Variants in STRIP2 observed in about 807,000 individuals in gnomAD.
The protein encoded by STRIP2 is striatin interacting protein 2.
Under a neutral mutation model 107.1 loss-of-function variants are expected in STRIP2, and 84 were observed. That is an observed-to-expected ratio of 0.78 (90% CI 0.66 to 0.94). STRIP2 has a LOEUF of 0.94. Among genes scored for constraint, STRIP2 ranks in the 40% least tolerant of loss-of-function variants. The probability of loss-of-function intolerance (pLI) is 0.00; values close to 1 mark genes in which losing one functional copy is unlikely to be tolerated. For missense variants in STRIP2, 888 were observed against 1,034.2 expected, an observed-to-expected ratio of 0.86 and a Z score of 1.94; for synonymous variants, 394 against 400.4, an observed-to-expected ratio of 0.98 and a Z score of 0.19.
At chr7:129,463,108 A>C in intron 14 of STRIP2, 68 bp downstream of exon 14, 3 of 1,320,204 alleles carry the variant, frequency 2.3e-6, no homozygotes, top group Non-Finnish European at 3.2e-6. Flanking sequence ...AAACCATTTC[A>C]AGTGGACCTG....
chr7:129,475,000 T>C (rs1056488872), intron 18 of STRIP2, among the ~76,000 whole-genome samples: 1 of 152,218 alleles, frequency 6.6e-6, no homozygotes, highest in Non-Finnish European at 1.5e-5. Flanking sequence ...ATATACTAAG[T>C]AGTTTCCCCT....
In STRIP2 at chr7:129,458,082, G is replaced by T. The variant is rs1798414728; in HGVS notation, c.1039-133G>T. 2.7e-6 allele frequency: 2 copies of T among 752,554 alleles called. No homozygotes were observed. The highest frequency in any genetic ancestry group is 1.7e-5 in the African/African-American group (1 of 57,988). The allele number at this position is 752,554 out of a possible 1,614,324, so 46.6% of individuals were successfully genotyped here. A position where few individuals can be genotyped will look rare whatever the true frequency, so the allele number is the denominator to read the frequency against. On this transcript the variant is annotated intron_variant, in intron 9 of 20. Coordinates refer to ENST00000249344, the MANE Select transcript of STRIP2 (RefSeq NM_020704.3). The surrounding 1 kb of genome is among the most constrained non-coding windows in gnomAD (Gnocchi z 4.6). Reference sequence around the variant, plus strand: ...GACAGTAGGTTAAGGTGGGGAATTGGATGTTTTCGCAAGGGCTGTGTTCAG... The same window carrying T: ...GACAGTAGGTTAAGGTGGGGAATTGTATGTTTTCGCAAGGGCTGTGTTCAG...
intron 1 of STRIP2, among the ~76,000 whole-genome samples, chr7:129,438,090 C>T (rs1330709458): frequency 6.6e-6 from 1 of 152,212 alleles, no homozygotes; most frequent in Non-Finnish European, 1.5e-5. Context: ...CAGGCGTGAG[C>T]CACTGCGCCC....
intron 3 of STRIP2, among the ~76,000 whole-genome samples, chr7:129,449,172 A>G (rs975437362): frequency 1.3e-5 from 2 of 152,222 alleles, no homozygotes; most frequent in African/African-American, 4.8e-5. Context: ...GCCTAAATCA[A>G]TAAATTGAGC....
At chr7:129,476,065 A>G (rs988352972) in intron 18 of STRIP2, among the ~76,000 whole-genome samples, 7 of 152,136 alleles carry the variant, frequency 4.6e-5, no homozygotes, top group South Asian at 2.1e-4. Context: ...CCCGCTCCCA[A>G]TGAGCTGTTG....
chr7:129,435,480 T>C (rs1301397034), intron 1 of STRIP2, among the ~76,000 whole-genome samples: 1 of 151,636 alleles, frequency 6.6e-6, no homozygotes. Context: ...AAAAGAGGAG[T>C]GACTTGCCCA....
Position 129,487,895 on chromosome 7 carries a change from A to G in STRIP2, c.*2066A>G, listed in dbSNP as rs598412. On this transcript the variant is annotated 3_prime_UTR_variant, in exon 21 of 21. Transcript: ENST00000249344. ...GCACAGAAGTATGCTAAGCTTTAAC[A>G]TTTTGTATTTATTTACAACCCTTTT... 45,574 of 152,118 alleles carry G rather than the reference A, an allele frequency of 0.3. 7,095 individuals carry two copies. The highest frequency in any genetic ancestry group is 0.38 in the African/African-American group (15,959 of 41,466). 9.4% of individuals were successfully genotyped at this position (152,118 alleles called of 1,614,324 possible).
intron 8 of STRIP2, among the ~76,000 whole-genome samples, chr7:129,455,912 G>C (rs569921113): frequency 1.5e-3 from 231 of 152,252 alleles, no homozygotes; most frequent in Non-Finnish European, 2.8e-3. Flanking sequence ...GGGATTACAG[G>C]CATGAGCCAT....
At chr7:129,464,183 T>C (rs752651145) in intron 15 of STRIP2, 42 bp downstream of exon 15, 1 of 1,441,050 alleles carries the variant, frequency 6.9e-7, no homozygotes, top group Admixed American at 1.7e-5. Flanking sequence ...ACTAGCTGTC[T>C]TATCTGCAGG....
In STRIP2 at chr7:129,455,350, C is replaced by T. The variant is rs1239140062; in HGVS notation, c.813C>T (p.Leu271=). 1.2e-6 allele frequency: 2 copies of T among 1,613,534 alleles called. No homozygotes were observed. Among genetic ancestry groups the T allele is most frequent in the African/African-American group, 1.3e-5 (1 of 74,870 alleles). ...APHFPIKKVL[L]LLWKVVMFTL... ...ACTTCCCCATAAAGAAGGTCCTGCT[C>T]CTGCTCTGGAAGGTGGTCATGGTGA... Residue 271 remains leucine (L), a synonymous_variant, in exon 8 of 21, where the codon CTC becomes CTT. Coordinates refer to ENST00000249344, the MANE Select transcript of STRIP2 (RefSeq NM_020704.3).
At chr7:129,444,982 C>T (rs769650608) in intron 3 of STRIP2, among the ~76,000 whole-genome samples, 3 of 152,168 alleles carry the variant, frequency 2.0e-5, no homozygotes, top group Non-Finnish European at 2.9e-5. Context: ...GTCACGTGGT[C>T]GTAGCTGGTA....
intron 18 of STRIP2, among the ~76,000 whole-genome samples, chr7:129,477,669 A>G (rs35084372): frequency 0.22 from 33,613 of 152,210 alleles, 4,227 homozygotes; most frequent in Non-Finnish European, 0.28. Context: ...TCCTTAATCT[A>G]GCAGTAATTT....
chr7:129,482,333 TTC>T (rs61017071), intron 19 of STRIP2, among the ~76,000 whole-genome samples: 13,361 of 87,296 alleles, frequency 0.15, 1,697 homozygotes, highest in East Asian at 0.29. Flanking sequence ...AATGGAATAG[TTC>T]TCTCTCTCTC....
At position 129,486,119 on chromosome 7, in the gene STRIP2, G is replaced by T; in HGVS notation, c.*290G>T. The T allele has an allele frequency of 3.0e-6, 1 of 333,208 alleles. No individual in the cohort carries two copies. Among genetic ancestry groups the T allele is most frequent in the South Asian group, 4.6e-5 (1 of 21,600 alleles). 20.6% of individuals were successfully genotyped at this position (333,208 alleles called of 1,614,324 possible). A position where few individuals can be genotyped will look rare whatever the true frequency, so the allele number is the denominator to read the frequency against. On this transcript the variant is annotated 3_prime_UTR_variant, in exon 21 of 21. Transcript: ENST00000249344. ...CTTGGCTACAACCAGGCTAGACTTT[G>T]CTGGCTCTAAAAGAGGAAATTTGTT... is the stretch of plus-strand genomic sequence containing the variant.
At chr7:129,477,900 T>C in intron 18 of STRIP2, 1 of 512,732 alleles carries the variant, frequency 2.0e-6, no homozygotes, top group Non-Finnish European at 4.0e-6. Context: ...CCTCCTGAGT[T>C]GAAAAAATTT....
intron 15 of STRIP2, 33 bp from the exon 16 acceptor site, chr7:129,464,577 ACT>A (rs1798625233): frequency 6.2e-7 from 1 of 1,612,674 alleles, no homozygotes; most frequent in South Asian, 1.1e-5. Context: ...CTTTAAGGCC[ACT>A]CTCTGCACTA....
intron 17 of STRIP2, among the ~76,000 whole-genome samples, chr7:129,470,209 A>C (rs996177377): frequency 2.0e-5 from 3 of 152,146 alleles, no homozygotes; most frequent in Non-Finnish European, 4.4e-5. Context: ...AGCTTTCAGA[A>C]AGATCTGGTG....
chr7:129,483,115 A>G lies in STRIP2; in HGVS notation c.2254+69A>G, dbSNP rs1249136680. 1 of 1,551,158 alleles carries G rather than the reference A, an allele frequency of 6.4e-7. No individual in the cohort carries two copies. Among genetic ancestry groups the G allele is most frequent in the Non-Finnish European group, 8.7e-7 (1 of 1,146,636 alleles). ...TTTAGACAAAACTAAATAAATATTT[A>G]TCACTCCTCTTTTGGCATGAATTGT... On this transcript the variant is annotated intron_variant, in intron 20 of 20. Transcript: ENST00000249344. The surrounding 1 kb of genome is among the most constrained non-coding windows in gnomAD (Gnocchi z 5.1).
At chr7:129,460,461 G>T in intron 13 of STRIP2, 89 bp downstream of exon 13, 1 of 1,051,300 alleles carries the variant, frequency 9.5e-7, no homozygotes. Flanking sequence ...CATTCATTCA[G>T]CATATTAGGC....
Sources: gnomAD v4.1 joint callset for allele counts (sites outside exome capture counted in the v4.1 genomes callset) on GRCh38, gnomAD v4.1.1 for gene constraint, Gnocchi (gnomAD v3.1) non-coding constraint, MANE v1.5 for transcripts, NCBI Gene and HGNC (gene_info 2026-07-23, HGNC 2026-07-21) for gene names.